UBE2E2: variants seen among roughly 807,000 people sequenced by gnomAD.
UBE2E2 encodes the protein ubiquitin conjugating enzyme E2 E2.
In UBE2E2, 6 loss-of-function variants were observed where a neutral mutation model predicts 24.7. The observed-to-expected ratio is 0.24, with a 90% confidence interval of 0.13 to 0.48. The LOEUF (loss-of-function observed/expected upper bound fraction) is 0.48, where lower values mean the gene tolerates loss of function less well. UBE2E2 is among the 20% of genes least tolerant of loss of function. The pLI is 0.99. For missense variants in UBE2E2, 169 were observed against 245.0 expected, an observed-to-expected ratio of 0.69 and a Z score of 2.07; for synonymous variants, 104 against 83.6, an observed-to-expected ratio of 1.24 and a Z score of -1.33.
chr3:23,530,349 T>C (rs748273947), intron 4 of UBE2E2, among the ~76,000 whole-genome samples: 6 of 152,220 alleles, frequency 3.9e-5, no homozygotes, highest in Non-Finnish European at 8.8e-5. Context: ...ATGTCCCTCT[T>C]TGATTATAGC....
chr3:23,245,830 G>A (rs34239585), intron 3 of UBE2E2, among the ~76,000 whole-genome samples: 16,144 of 152,114 alleles, frequency 0.11, 986 homozygotes, highest in East Asian at 0.13. Flanking sequence ...GAAAAACCAT[G>A]CCTCTTTGAG....
chr3:23,214,568 GT>G (rs1345810036), intron 2 of UBE2E2, among the ~76,000 whole-genome samples: 2 of 146,856 alleles, frequency 1.4e-5, no homozygotes, highest in East Asian at 2.0e-4. Flanking sequence ...GGATTTATGA[GT>G]TTTTTTTTTG....
chr3:23,278,430 G>C (rs1001891484), intron 3 of UBE2E2, among the ~76,000 whole-genome samples: 1 of 152,032 alleles, frequency 6.6e-6, no homozygotes, highest in Non-Finnish European at 1.5e-5. Flanking sequence ...CTGAAGGTTT[G>C]GTAAGTGCTT....
intron 3 of UBE2E2, among the ~76,000 whole-genome samples, chr3:23,260,639 C>A (rs1008239796): frequency 6.6e-6 from 1 of 151,980 alleles, no homozygotes; most frequent in African/African-American, 2.4e-5. Flanking sequence ...ATAGTAAAAC[C>A]CCATCTCTAC....
chr3:23,346,443 A>G (rs182584505), intron 3 of UBE2E2, among the ~76,000 whole-genome samples: 2 of 152,332 alleles, frequency 1.3e-5, no homozygotes, highest in African/African-American at 4.8e-5. Flanking sequence ...ACTTTCAGTA[A>G]AATGTATTTA....
At chr3:23,292,741 T>A (rs1698801742) in intron 3 of UBE2E2, among the ~76,000 whole-genome samples, 1 of 152,208 alleles carries the variant, frequency 6.6e-6, no homozygotes. Context: ...TTTACAAGGT[T>A]ATGTAACCTG....
intron 3 of UBE2E2, among the ~76,000 whole-genome samples, chr3:23,281,981 C>T (rs1421781349): frequency 6.6e-6 from 1 of 152,172 alleles, no homozygotes; most frequent in Non-Finnish European, 1.5e-5. Context: ...TCAAAATCAT[C>T]CTAAAAGATT....
At chr3:23,421,188 G>A (rs1393423409) in intron 3 of UBE2E2, among the ~76,000 whole-genome samples, 1 of 152,196 alleles carries the variant, frequency 6.6e-6, no homozygotes, top group Non-Finnish European at 1.5e-5. Context: ...CTGAGAATCT[G>A]TAATTGAATT....
At chr3:23,363,242 C>T (rs1460228991) in intron 3 of UBE2E2, among the ~76,000 whole-genome samples, 1 of 152,180 alleles carries the variant, frequency 6.6e-6, no homozygotes, top group Admixed American at 6.5e-5. Flanking sequence ...GCAACACAAT[C>T]AAGTCTGTGT....
At position 23,443,293 on chromosome 3, in the gene UBE2E2, G is replaced by A. The variant is rs572835869; in HGVS notation, c.228-56315G>A. Among the ~76,000 whole-genome samples the A allele has an allele frequency of 1.9e-4, 29 of 152,266 alleles. No individual in the cohort carries two copies. The South Asian group carries it at 4.4e-3, about 23-fold the overall frequency. On this transcript the variant is annotated intron_variant, in intron 3 of 5. Coordinates refer to ENST00000396703, the MANE Select transcript of UBE2E2 (RefSeq NM_152653.4). Reference sequence around the variant, plus strand: ...CTCAGCTTCCCCACTAAGAAGAGCCGGAAGCAGAGCAGCATGTGCTGTTTA... The same window carrying A: ...CTCAGCTTCCCCACTAAGAAGAGCCAGAAGCAGAGCAGCATGTGCTGTTTA...
In UBE2E2 at chr3:23,240,577, C is replaced by T. The variant is rs548672921; in HGVS notation, c.227+23265C>T. Among the ~76,000 whole-genome samples the T allele has an allele frequency of 2.2e-3, 342 of 152,282 alleles. 2 individuals are homozygous for T. The highest frequency in any genetic ancestry group is 7.9e-3 in the African/African-American group (327 of 41,560). Reference sequence around the variant, plus strand: ...GTGGCACACAGCCACACTGTTTATGCCATTATGAACCTGCAAAGCTCACTG... The same window carrying T: ...GTGGCACACAGCCACACTGTTTATGTCATTATGAACCTGCAAAGCTCACTG... On this transcript the variant is annotated intron_variant, in intron 3 of 5. Transcript: ENST00000396703.
intron 3 of UBE2E2, among the ~76,000 whole-genome samples, chr3:23,287,327 G>GT (rs1167317871): frequency 6.6e-6 from 1 of 152,114 alleles, no homozygotes; most frequent in Non-Finnish European, 1.5e-5. Context: ...TGGTTCGCTA[G>GT]TATTTTGTTG....
intron 5 of UBE2E2, among the ~76,000 whole-genome samples, chr3:23,538,930 A>G (rs1170632175): frequency 6.6e-5 from 10 of 152,226 alleles, no homozygotes; most frequent in Non-Finnish European, 1.2e-4. Context: ...CTGGTGTATA[A>G]TAATGCAAAC....
intron 4 of UBE2E2, among the ~76,000 whole-genome samples, chr3:23,521,922 C>T (rs1694877751): frequency 7.1e-6 from 1 of 141,210 alleles, no homozygotes; most frequent in African/African-American, 2.6e-5. Context: ...TGAGCACCTA[C>T]TATGTATGTG....
At chr3:23,519,584 T>C (rs1694814218) in intron 4 of UBE2E2, among the ~76,000 whole-genome samples, 1 of 152,224 alleles carries the variant, frequency 6.6e-6, no homozygotes, top group Non-Finnish European at 1.5e-5. Context: ...TCAAGTCATG[T>C]TGAAACAGTT....
chr3:23,286,273 A>G (rs9823684), intron 3 of UBE2E2, among the ~76,000 whole-genome samples: 5,079 of 152,190 alleles, frequency 0.033, 103 homozygotes, highest in South Asian at 0.069. Context: ...GGAGAGTTTC[A>G]CCAATGTTTT....
intron 3 of UBE2E2, among the ~76,000 whole-genome samples, chr3:23,327,602 G>A (rs368436816): frequency 2.6e-5 from 4 of 152,152 alleles, no homozygotes; most frequent in East Asian, 3.8e-4. Flanking sequence ...TTTGTTTGTG[G>A]CTGCAGTTAG....
chr3:23,408,729 G>T (rs191673696), intron 3 of UBE2E2, among the ~76,000 whole-genome samples: 6 of 152,102 alleles, frequency 3.9e-5, no homozygotes, highest in Non-Finnish European at 8.8e-5. Context: ...TAAGTGTCAC[G>T]ATTCACAAAA....
At chr3:23,246,530 C>T (rs528258016) in intron 3 of UBE2E2, among the ~76,000 whole-genome samples, 6 of 151,718 alleles carry the variant, frequency 4.0e-5, no homozygotes, top group East Asian at 3.9e-4. Context: ...CCACTGTGCC[C>T]GGCCATGCCT....
Sources: gnomAD v4.1 joint callset for allele counts (sites outside exome capture counted in the v4.1 genomes callset) on GRCh38, gnomAD v4.1.1 for gene constraint, MANE v1.5 for transcripts, NCBI Gene and HGNC (gene_info 2026-07-23, HGNC 2026-07-21) for gene names.